Variants in HACL1 observed in about 807,000 individuals in gnomAD.
The protein encoded by HACL1 is 2-hydroxyacyl-CoA lyase 1.
A neutral mutation model predicts 74.2 loss-of-function variants in HACL1; 64 were observed. The ratio of observed to expected loss-of-function variants is 0.86; its 90% CI spans 0.70 to 1.06. The LOEUF (loss-of-function observed/expected upper bound fraction) is 1.06, where lower values mean the gene tolerates loss of function less well. Ranked by LOEUF, HACL1 falls within the 50% of genes least tolerant of loss-of-function variation. The pLI, the probability that HACL1 is intolerant of heterozygous loss-of-function variation, is 0.00. For missense variants in HACL1, 728 were observed against 719.7 expected (o/e 1.01, Z -0.13); for synonymous variants, 230 against 238.8 (o/e 0.96, Z 0.34).
Position 15,583,638 on chromosome 3 carries a change from CT to C in HACL1, c.555-650del, listed in dbSNP as rs562864590. Among the ~76,000 whole-genome samples the C allele has an allele frequency of 7.2e-3, 1,041 of 143,812 alleles. 8 individuals carry two copies. The highest frequency in any genetic ancestry group is 0.023 in the African/African-American group (910 of 39,526). 94.3% of individuals were successfully genotyped at this position (143,812 alleles called of 152,430 possible). ...CTTTTAAACACCTTACCACATTTCT[CT>C]TTTTTTTTTTTCTTTTCTTTTTTTT... On this transcript the variant is annotated intron_variant, in intron 7 of 16. Transcript: ENST00000321169.
chr3:15,596,424 C>T lies in HACL1; in HGVS notation c.187G>A (p.Ala63Thr). ...CCAATCGCGGAGGCAGCATAACAAG[C>T]CTACGAGAAAACAACACTGGGACTT... ...KYIGMRNEQA[A>T]CYAASAIGYL... is the part of the protein sequence containing the mutation. Residue 63 changes from alanine to threonine, a missense_variant and splice_region_variant, in exon 3 of 17, where the codon GCT (alanine) becomes ACT (threonine). By Grantham distance (58) the Ala-to-Thr change is moderately conservative. Transcript: ENST00000321169. The T allele has an allele frequency of 6.3e-7, 1 of 1,594,650 alleles. No homozygotes were observed. Among genetic ancestry groups the T allele is most frequent in the Non-Finnish European group, 8.6e-7 (1 of 1,162,430 alleles).
At chr3:15,581,101 CAT>C (rs1360432177) in intron 8 of HACL1, among the ~76,000 whole-genome samples, 1 of 152,182 alleles carries the variant, frequency 6.6e-6, no homozygotes, top group Non-Finnish European at 1.5e-5. Context: ...AGGGTTTCAC[CAT>C]GTTGGCCAGG....
intron 8 of HACL1, among the ~76,000 whole-genome samples, chr3:15,581,664 T>G (rs1459257631): frequency 6.6e-6 from 1 of 152,122 alleles, no homozygotes; most frequent in Non-Finnish European, 1.5e-5. Flanking sequence ...GGATAGTCCT[T>G]CCATACTATC....
Position 15,567,985 on chromosome 3 carries a change from A to C in HACL1, c.1268T>G (p.Phe423Cys), listed in dbSNP as rs751225330. ...TCCCAAACCAACTCCCATTGTTCCGAAAGTACCAGCATCAAGCCTGTTGGA... is the reference window on the plus strand; with the variant it reads ...TCCCAAACCAACTCCCATTGTTCCGCAAGTACCAGCATCAAGCCTGTTGGA... ...LPRHRLDAGT[F>C]GTMGVGLGFA... is the part of the protein sequence containing the mutation. Residue 423 changes from phenylalanine (F) to cysteine (C), a missense_variant, in exon 14 of 17, where the codon TTC (phenylalanine) becomes TGC (cysteine). By Grantham distance (205) the Phe-to-Cys change is radical (BLOSUM62 -2). Transcript: ENST00000321169. 2.5e-6 allele frequency: 4 copies of C among 1,614,068 alleles called. No individual in the cohort carries two copies. Among genetic ancestry groups the C allele is most frequent in the Non-Finnish European group, 3.4e-6 (4 of 1,180,016 alleles).
In HACL1 at chr3:15,573,255, C is replaced by A; in HGVS notation, c.910-13G>T. 6.5e-7 allele frequency: 1 copy of A among 1,535,142 alleles called. No homozygotes were observed. Among genetic ancestry groups the A allele is most frequent in the East Asian group, 2.3e-5 (1 of 44,324 alleles). On this transcript the variant is annotated splice_polypyrimidine_tract_variant and intron_variant, in intron 10 of 16. Transcript: ENST00000321169. Reference sequence around the variant, plus strand: ...CACAGATATCAACCTAAAAAAGAGACAAGGCTAAAGAACAACCCATGTTTA... The same window carrying A: ...CACAGATATCAACCTAAAAAAGAGAAAAGGCTAAAGAACAACCCATGTTTA...
chr3:15,567,758 A>G (rs966427978), intron 14 of HACL1, 86 bp downstream of exon 14: 61 of 1,258,768 alleles, frequency 4.8e-5, no homozygotes, highest in Non-Finnish European at 5.5e-5. Context: ...TGAACGCTTC[A>G]TAAGTATTTG....
chr3:15,569,173 AG>A (rs974983036), intron 12 of HACL1, among the ~76,000 whole-genome samples: 3 of 152,184 alleles, frequency 2.0e-5, no homozygotes, highest in African/African-American at 7.2e-5. Context: ...TTCAGGGCTG[AG>A]AAAAAGCCAT....
At chr3:15,584,609 T>C (rs2125263346) in intron 7 of HACL1, among the ~76,000 whole-genome samples, 1 of 152,128 alleles carries the variant, frequency 6.6e-6, no homozygotes, top group African/African-American at 2.4e-5. Context: ...AAAATCACTC[T>C]TTGGTACACA....
chr3:15,582,038 C>G (rs2063723092), intron 8 of HACL1, among the ~76,000 whole-genome samples: 1 of 152,194 alleles, frequency 6.6e-6, no homozygotes, highest in African/African-American at 2.4e-5. Context: ...ACAACACATT[C>G]CACTCAGTTC....
At chr3:15,586,935 T>A (rs2063805511) in intron 5 of HACL1, among the ~76,000 whole-genome samples, 1 of 152,160 alleles carries the variant, frequency 6.6e-6, no homozygotes, top group Non-Finnish European at 1.5e-5. Flanking sequence ...CTACAAAAAA[T>A]TTAAATCAGC....
intron 16 of HACL1, among the ~76,000 whole-genome samples, chr3:15,562,879 G>A (rs1452120328): frequency 6.6e-6 from 1 of 152,052 alleles, no homozygotes; most frequent in Non-Finnish European, 1.5e-5. Context: ...CTTTCCTCTT[G>A]CTACAGAGCC....
intron 2 of HACL1, 102 bp downstream of exon 2, chr3:15,600,988 A>G: frequency 1.4e-6 from 1 of 729,876 alleles, no homozygotes; most frequent in Non-Finnish European, 2.5e-6. Flanking sequence ...TATGTAAAGT[A>G]GCAGAAGAGT....
intron 3 of HACL1, among the ~76,000 whole-genome samples, chr3:15,592,528 A>ACATGTATACACATGTACGCACACGTGTG (rs2063956578): frequency 6.9e-6 from 1 of 144,934 alleles, no homozygotes. Context: ...ATACATATAC[A>ACATGTATACACATGTACGCACACGTGTG]CATGTATACA....
intron 15 of HACL1, among the ~76,000 whole-genome samples, chr3:15,563,915 T>G (rs2063388354): frequency 6.6e-6 from 1 of 152,172 alleles, no homozygotes; most frequent in Non-Finnish European, 1.5e-5. Context: ...GCCTAGTGGC[T>G]ACTATACTAG....
rs1218244850 is a variant in HACL1, at chr3:15,568,456, A to G, written c.1226T>C (p.Leu409Pro). The G allele has an allele frequency of 6.3e-7, 1 of 1,598,762 alleles. No homozygotes were observed. The highest frequency in any genetic ancestry group is 1.3e-5 in the African/African-American group (1 of 74,312). ...ANTMDIGRTV[L>P]QNYLPRHRLD... ...CCTGTGACGAGGAAGGTAGTTCTGA[A>G]GCACAGTCCGTCCAATGTCCATAGT... The change falls in exon 13 of 17, where the codon CTT becomes CCT. Residue 409 changes from leucine (L) to proline (P), a missense_variant. Transcript: ENST00000321169.
At chr3:15,599,719 G>A (rs879856140) in intron 2 of HACL1, among the ~76,000 whole-genome samples, 3 of 152,146 alleles carry the variant, frequency 2.0e-5, no homozygotes, top group Non-Finnish European at 4.4e-5. Flanking sequence ...TAATAGATGA[G>A]TCTTTTTCTG....
chr3:15,564,450 C>T, intron 15 of HACL1, 101 bp downstream of exon 15: 1 of 662,944 alleles, frequency 1.5e-6, no homozygotes. Context: ...ACGGACAATA[C>T]TCATACCATG....
At chr3:15,583,574 G>A (rs1401185402) in intron 7 of HACL1, among the ~76,000 whole-genome samples, 1 of 151,810 alleles carries the variant, frequency 6.6e-6, no homozygotes, top group African/African-American at 2.4e-5. Flanking sequence ...ACGTGGCAGA[G>A]ACAGGACTGA....
intron 15 of HACL1, among the ~76,000 whole-genome samples, chr3:15,564,118 C>A (rs925411703): frequency 6.6e-6 from 1 of 152,196 alleles, no homozygotes; most frequent in Non-Finnish European, 1.5e-5. Flanking sequence ...CGGCCAGCTA[C>A]AATACTGTCT....
Sources: allele counts gnomAD v4.1 joint callset (sites outside exome capture counted in the v4.1 genomes callset), GRCh38; gene constraint gnomAD v4.1.1; transcripts MANE v1.5; gene names NCBI Gene and HGNC (gene_info 2026-07-23, HGNC 2026-07-21).